The following AKAP6 variants were observed in gnomAD, a reference collection of about 807,000 sequenced individuals.
AKAP6 encodes the protein A-kinase anchoring protein 6, also known as A-kinase anchor protein 6.
Under a neutral mutation model 188.5 loss-of-function variants are expected in AKAP6, and 58 were observed. The ratio of observed to expected loss-of-function variants is 0.31; its 90% CI spans 0.25 to 0.38. The LOEUF (loss-of-function observed/expected upper bound fraction) is 0.38, where lower values mean the gene tolerates loss of function less well. Among genes scored for constraint, AKAP6 ranks in the 10% least tolerant of loss-of-function variants. The probability of loss-of-function intolerance (pLI) is 1.00; values close to 1 mark genes in which losing one functional copy is unlikely to be tolerated. For missense variants in AKAP6, 2,710 were observed against 2,740.0 expected (o/e 0.99, Z 0.24); for synonymous variants, 989 against 998.6 (o/e 0.99, Z 0.18).
At chr14:32,351,677 T>C (rs2138448337) in intron 1 of AKAP6, among the ~76,000 whole-genome samples, 1 of 152,310 alleles carries the variant, frequency 6.6e-6, no homozygotes, top group East Asian at 1.9e-4. Context: ...CATAGAATTA[T>C]GAAAGATGTT....
intron 1 of AKAP6, among the ~76,000 whole-genome samples, chr14:32,346,976 A>C (rs1387796916): frequency 6.6e-6 from 1 of 152,184 alleles, no homozygotes; most frequent in African/African-American, 2.4e-5. Context: ...TCATATAGAG[A>C]TATTTATTAG....
At chr14:32,544,529 A>G (rs1883100815) in intron 3 of AKAP6, among the ~76,000 whole-genome samples, 1 of 152,166 alleles carries the variant, frequency 6.6e-6, no homozygotes, top group African/African-American at 2.4e-5. Flanking sequence ...TGGGCACTTA[A>G]CAGCTCGCAA....
At chr14:32,699,280 A>T (rs144882705) in intron 9 of AKAP6, among the ~76,000 whole-genome samples, 1 of 152,220 alleles carries the variant, frequency 6.6e-6, no homozygotes, top group Non-Finnish European at 1.5e-5. Context: ...CTATCCACTC[A>T]GCAGATATCC....
intron 7 of AKAP6, among the ~76,000 whole-genome samples, chr14:32,652,195 C>A (rs528275319): frequency 5.3e-5 from 8 of 152,252 alleles, no homozygotes; most frequent in African/African-American, 1.9e-4. Flanking sequence ...TTTCTCCCAT[C>A]TTTTCCGTCA....
At chr14:32,731,692 T>G (rs2031183239) in intron 9 of AKAP6, among the ~76,000 whole-genome samples, 1 of 152,132 alleles carries the variant, frequency 6.6e-6, no homozygotes, top group African/African-American at 2.4e-5. Flanking sequence ...ATCCATAATA[T>G]AGGACTAACT....
intron 11 of AKAP6, among the ~76,000 whole-genome samples, chr14:32,736,319 TGAAA>T (rs1181879980): frequency 6.6e-6 from 1 of 152,122 alleles, no homozygotes; most frequent in African/African-American, 2.4e-5. Flanking sequence ...TTTTTACATA[TGAAA>T]GAGTCAACTA....
At chr14:32,708,818 C>T (rs984649744) in intron 9 of AKAP6, among the ~76,000 whole-genome samples, 8 of 151,912 alleles carry the variant, frequency 5.3e-5, no homozygotes, top group African/African-American at 1.9e-4. Context: ...TTTGTCCTTC[C>T]TCCTTAGCTT....
At chr14:32,673,121 C>G (rs575352143) in intron 7 of AKAP6, among the ~76,000 whole-genome samples, 135 of 152,318 alleles carry the variant, frequency 8.9e-4, no homozygotes, top group African/African-American at 3.2e-3. Context: ...ATGAGTTACT[C>G]TGTCTATGAA....
At chr14:32,804,318 AC>A (rs1261389833) in intron 12 of AKAP6, among the ~76,000 whole-genome samples, 2 of 152,092 alleles carry the variant, frequency 1.3e-5, no homozygotes, top group African/African-American at 4.8e-5. Flanking sequence ...CAGGCACATA[AC>A]CTTTCTCATT....
At chr14:32,657,714 AT>A (rs199719679) in intron 7 of AKAP6, among the ~76,000 whole-genome samples, 233 of 146,736 alleles carry the variant, frequency 1.6e-3, no homozygotes, top group Middle Eastern at 0.011. Context: ...AAAGCTCACC[AT>A]TTTTTTTTTT....
intron 3 of AKAP6, among the ~76,000 whole-genome samples, chr14:32,536,551 G>A (rs1882687544): frequency 6.6e-6 from 1 of 152,082 alleles, no homozygotes; most frequent in Admixed American, 6.5e-5. Context: ...TTCATTTTGA[G>A]GACAAAAGAA....
chr14:32,378,916 CCTT>C (rs1888247241), intron 1 of AKAP6, among the ~76,000 whole-genome samples: 1 of 82,478 alleles, frequency 1.2e-5, no homozygotes, highest in African/African-American at 4.6e-5. Context: ...TGTCTTTCTT[CCTT>C]TTTTTTTTTT....
intron 12 of AKAP6, among the ~76,000 whole-genome samples, chr14:32,802,231 G>A (rs2033970509): frequency 6.6e-6 from 1 of 152,114 alleles, no homozygotes; most frequent in African/African-American, 2.4e-5. Context: ...CACTCAGCAA[G>A]GATATGTTTT....
chr14:32,348,291 C>G (rs1177457801), intron 1 of AKAP6, among the ~76,000 whole-genome samples: 1 of 152,070 alleles, frequency 6.6e-6, no homozygotes, highest in African/African-American at 2.4e-5. Flanking sequence ...GTAAAATTAG[C>G]ACATTTTAAG....
chr14:32,525,751 C>T (rs1882087966), intron 2 of AKAP6, among the ~76,000 whole-genome samples: 2 of 152,174 alleles, frequency 1.3e-5, no homozygotes, highest in South Asian at 2.1e-4. Flanking sequence ...TTGAATTCGA[C>T]TTCACAAACA....
chr14:32,466,847 T>TATATATATATATATATA (rs1555331133), intron 2 of AKAP6, among the ~76,000 whole-genome samples: 2 of 77,844 alleles, frequency 2.6e-5, no homozygotes, highest in African/African-American at 1.2e-4. Context: ...ATATATATAT[T>TATATATATATATATATA]TTCTTTCTTA....
intron 7 of AKAP6, among the ~76,000 whole-genome samples, chr14:32,639,426 A>C (rs756309073): frequency 2.0e-5 from 3 of 152,132 alleles, no homozygotes. Context: ...CAGTAAGTGA[A>C]ATGTGTCTAT....
intron 1 of AKAP6, among the ~76,000 whole-genome samples, chr14:32,368,527 G>A (rs2138511234): frequency 6.6e-6 from 1 of 152,120 alleles, no homozygotes; most frequent in South Asian, 2.1e-4. Context: ...AAAAGGAAGT[G>A]ACTTTAAAGG....
intron 7 of AKAP6, among the ~76,000 whole-genome samples, chr14:32,651,112 C>T (rs1214509116): frequency 6.6e-6 from 1 of 152,160 alleles, no homozygotes; most frequent in Non-Finnish European, 1.5e-5. Flanking sequence ...CTCATACTGA[C>T]TGGTCATAGG....
Sources: allele counts gnomAD v4.1 joint callset (sites outside exome capture counted in the v4.1 genomes callset), GRCh38; gene constraint gnomAD v4.1.1; transcripts MANE v1.5; gene names NCBI Gene and HGNC (gene_info 2026-07-23, HGNC 2026-07-21).